The following RNF6 variants were observed in gnomAD, a reference collection of about 807,000 sequenced individuals.
The protein encoded by RNF6 is ring finger protein 6.
Under a neutral mutation model 50.1 loss-of-function variants are expected in RNF6, and 21 were observed. The ratio of observed to expected loss-of-function variants is 0.42; its 90% CI spans 0.30 to 0.60. The LOEUF (loss-of-function observed/expected upper bound fraction) is 0.60, where lower values mean the gene tolerates loss of function less well. Among genes scored for constraint, RNF6 ranks in the 20% least tolerant of loss-of-function variants. The pLI is 0.20. For missense variants in RNF6, 698 were observed against 838.2 expected (o/e 0.83, Z 2.07); for synonymous variants, 255 against 291.8 (o/e 0.87, Z 1.29).
At chr13:26,160,901 C>G (rs1365885254) in intron 5 of RNF6, among the ~76,000 whole-genome samples, 1 of 152,104 alleles carries the variant, frequency 6.6e-6, no homozygotes, top group Non-Finnish European at 1.5e-5. Context: ...CTCAGATCCT[C>G]TTCTTATAAG....
intron 5 of RNF6, among the ~76,000 whole-genome samples, chr13:26,146,406 A>T (rs1471029743): frequency 1.3e-5 from 2 of 152,184 alleles, no homozygotes; most frequent in African/African-American, 4.8e-5. Flanking sequence ...TTCCCATTGC[A>T]TTTAGGTTTC....
chr13:26,162,113 G>C (rs1375816234), intron 5 of RNF6, among the ~76,000 whole-genome samples: 1 of 152,096 alleles, frequency 6.6e-6, no homozygotes, highest in African/African-American at 2.4e-5. Context: ...AATTCTTAGA[G>C]ACGGCAAAGG....
chr13:26,185,128 C>T (rs1434908634), intron 5 of RNF6, among the ~76,000 whole-genome samples: 1 of 152,110 alleles, frequency 6.6e-6, no homozygotes, highest in Non-Finnish European at 1.5e-5. Flanking sequence ...TCCCAAGCAG[C>T]TGGGACAACA....
intron 5 of RNF6, among the ~76,000 whole-genome samples, chr13:26,204,223 C>A (rs1869007787): frequency 6.6e-6 from 1 of 152,040 alleles, no homozygotes; most frequent in Non-Finnish European, 1.5e-5. Flanking sequence ...AGGCCGGGCG[C>A]AATGGCTCAG....
At chr13:26,164,316 C>A (rs1208825768) in intron 5 of RNF6, among the ~76,000 whole-genome samples, 2 of 152,076 alleles carry the variant, frequency 1.3e-5, no homozygotes, top group African/African-American at 2.4e-5. Context: ...AGCCACCAAC[C>A]CTGTAATTTG....
At chr13:26,175,983 G>A (rs535472863) in intron 5 of RNF6, among the ~76,000 whole-genome samples, 1 of 152,244 alleles carries the variant, frequency 6.6e-6, no homozygotes, top group South Asian at 2.1e-4. Flanking sequence ...AGCCAGGAGT[G>A]AACTTGCTCT....
At chr13:26,181,342 C>A (rs1006374786) in intron 5 of RNF6, among the ~76,000 whole-genome samples, 2 of 152,200 alleles carry the variant, frequency 1.3e-5, no homozygotes, top group Non-Finnish European at 2.9e-5. Context: ...ATGCCATAGG[C>A]AGGCAGAGGC....
intron 2 of RNF6, 140 bp downstream of exon 2, chr13:26,221,108 A>C (rs1353937067): frequency 6.6e-6 from 1 of 152,230 alleles, no homozygotes; most frequent in Non-Finnish European, 1.5e-5. Flanking sequence ...GTACAGCAAT[A>C]ATAGGATTTT....
intron 5 of RNF6, among the ~76,000 whole-genome samples, chr13:26,203,754 G>T (rs1394588096): frequency 1.3e-5 from 2 of 152,178 alleles, no homozygotes; most frequent in Non-Finnish European, 2.9e-5. Flanking sequence ...GAGCTCAGGA[G>T]ATCGAGACCA....
intron 5 of RNF6, among the ~76,000 whole-genome samples, chr13:26,146,179 G>A (rs1036716162): frequency 6.6e-6 from 1 of 152,202 alleles, no homozygotes; most frequent in Non-Finnish European, 1.5e-5. Flanking sequence ...GGGGAAGGCT[G>A]GGAGAAGTGT....
intron 5 of RNF6, among the ~76,000 whole-genome samples, chr13:26,182,952 G>A (rs756487287): frequency 1.2e-4 from 19 of 152,184 alleles, no homozygotes; most frequent in Non-Finnish European, 2.2e-4. Context: ...GTTAGCATGC[G>A]GGCTTTGAGG....
intron 5 of RNF6, among the ~76,000 whole-genome samples, chr13:26,188,671 TG>T: frequency 8.0e-6 from 1 of 125,478 alleles, no homozygotes; most frequent in Non-Finnish European, 1.6e-5. Context: ...AGTCTCACTC[TG>T]TTGCCAGGCT....
chr13:26,166,809 A>T (rs750616342), intron 5 of RNF6, among the ~76,000 whole-genome samples: 13 of 152,126 alleles, frequency 8.5e-5, no homozygotes, highest in Non-Finnish European at 1.8e-4. Context: ...AATCCCAGAT[A>T]CTCAGGAGGC....
chr13:26,166,929 C>CATCACT (rs892475256), intron 5 of RNF6, among the ~76,000 whole-genome samples: 2 of 152,176 alleles, frequency 1.3e-5, no homozygotes, highest in Non-Finnish European at 2.9e-5. Flanking sequence ...GTCTCAAAAA[C>CATCACT]ATCACTATCA....
At chr13:26,221,895 A>C (rs1870547750) in intron 1 of RNF6, 108 bp downstream of exon 1, 1 of 152,386 alleles carries the variant, frequency 6.6e-6, no homozygotes, top group Non-Finnish European at 1.5e-5. Context: ...GCGCAATAAG[A>C]AGGCAGTTAA....
In RNF6 at chr13:26,218,492, G is replaced by A. The variant is rs768349543; in HGVS notation, c.289+19C>T. On this transcript the variant is annotated intron_variant, in intron 4 of 4. Transcript: ENST00000381588. Reference sequence around the variant, plus strand: ...TGCTCCAATCAAGCCTGTTCCTTATGGAAAGGACTCCATAGTACCTCTGTA... The same window carrying A: ...TGCTCCAATCAAGCCTGTTCCTTATAGAAAGGACTCCATAGTACCTCTGTA... 4.4e-6 allele frequency: 7 copies of A among 1,587,484 alleles called. No homozygotes were observed. In the Admixed American group the frequency reaches 1.2e-4, roughly 26 times the overall value.
At chr13:26,206,211 C>T (rs914373669) in intron 5 of RNF6, among the ~76,000 whole-genome samples, 6 of 151,948 alleles carry the variant, frequency 3.9e-5, no homozygotes, top group Admixed American at 1.3e-4. Flanking sequence ...CACTGCCCCC[C>T]GTCCCTGCTG....
At chr13:26,222,567 G>A (rs913046290), upstream of RNF6, 1 of 152,282 alleles carries the variant, frequency 6.6e-6, no homozygotes, top group African/African-American at 2.4e-5. Context: ...TTTACTTCCG[G>A]GTGTAACGTA....
intron 5 of RNF6, among the ~76,000 whole-genome samples, chr13:26,169,913 T>C (rs1872615594): frequency 6.6e-6 from 1 of 152,228 alleles, no homozygotes; most frequent in Non-Finnish European, 1.5e-5. Flanking sequence ...TCTCCTATTA[T>C]AATAGTTTTG....
Sources: gnomAD v4.1 joint callset for allele counts (sites outside exome capture counted in the v4.1 genomes callset) on GRCh38, gnomAD v4.1.1 for gene constraint, MANE v1.5 for transcripts, NCBI Gene and HGNC (gene_info 2026-07-23, HGNC 2026-07-21) for gene names.